Variants in SNW1 observed in about 807,000 individuals in gnomAD.
SNW1 encodes the protein SNW domain-containing protein 1.
Under a neutral mutation model 75.6 loss-of-function variants are expected in SNW1, and 9 were observed. That is an observed-to-expected ratio of 0.12 (90% CI 0.07 to 0.21). The LOEUF (loss-of-function observed/expected upper bound fraction) is 0.21, where lower values mean the gene tolerates loss of function less well. Among genes scored for constraint, SNW1 ranks in the 10% least tolerant of loss-of-function variants. The pLI is 1.00. For synonymous variants in SNW1, 200 were observed against 219.1 expected, an observed-to-expected ratio of 0.91 and a Z score of 0.77; for missense variants, 409 against 670.9, an observed-to-expected ratio of 0.61 and a Z score of 4.31.
In SNW1 at chr14:77,761,114, C is replaced by T; in HGVS notation, c.14G>A (p.Ser5Asn). 1 of 1,614,224 alleles carries T rather than the reference C, an allele frequency of 6.2e-7. No individual in the cohort carries two copies. Among genetic ancestry groups the T allele is most frequent in the African/African-American group, 1.3e-5 (1 of 75,070 alleles). MALT[S>N]FLPAPTQLSQ... is the part of the protein sequence containing the mutation. ...TCGAGGACCCCAATCAACAACCCAC[C>T]TGGTGAGCGCCATCTTCTTCCGCTT... The change falls in exon 1 of 14, where the codon AGC (serine) becomes AAC (asparagine). Residue 5 changes from serine to asparagine, a missense_variant and splice_region_variant. Coordinates refer to ENST00000261531, the MANE Select transcript of SNW1 (RefSeq NM_012245.3).
chr14:77,754,892 T>G lies in SNW1; in HGVS notation c.168+75A>C, dbSNP rs954750578. 18 of 1,320,566 alleles carry G rather than the reference T, an allele frequency of 1.4e-5. No homozygotes were observed. In the Admixed American group the frequency reaches 4.9e-4, roughly 36 times the overall value. 81.8% of individuals were successfully genotyped at this position (1,320,566 alleles called of 1,614,324 possible). A position where few individuals can be genotyped will look rare whatever the true frequency, so the allele number is the denominator to read the frequency against. On this transcript the variant is annotated intron_variant, in intron 2 of 13. Transcript: ENST00000261531. ...CATTCATAATCAGAGGTTCTAACATTTAAATTTATGTTATAGTGTGCTATA... is the reference window on the plus strand; with the variant it reads ...CATTCATAATCAGAGGTTCTAACATGTAAATTTATGTTATAGTGTGCTATA...
intron 12 of SNW1, among the ~76,000 whole-genome samples, chr14:77,719,756 T>G (rs937838923): frequency 6.6e-6 from 1 of 152,240 alleles, no homozygotes; most frequent in Non-Finnish European, 1.5e-5. Flanking sequence ...ACATAAGAGA[T>G]AATAGTATTA....
chr14:77,720,703 A>T lies in SNW1; in HGVS notation c.1248+8T>A. 1 of 1,566,836 alleles carries T rather than the reference A, an allele frequency of 6.4e-7. No individual in the cohort carries two copies. The highest frequency in any genetic ancestry group is 8.8e-7 in the Non-Finnish European group (1 of 1,137,250). On this transcript the variant is annotated splice_region_variant and intron_variant, in intron 12 of 13. Transcript: ENST00000261531. ...AACACACACAATATGCTGTTCCTAA[A>T]CTTGTACCTTGGATTGGTTGAAGAG...
At chr14:77,724,866 C>A (rs1321664242) in intron 10 of SNW1, among the ~76,000 whole-genome samples, 1 of 152,146 alleles carries the variant, frequency 6.6e-6, no homozygotes, top group African/African-American at 2.4e-5. Context: ...GATATATACC[C>A]AGCAGTGAAT....
intron 10 of SNW1, among the ~76,000 whole-genome samples, chr14:77,725,334 G>A (rs913831095): frequency 6.6e-6 from 1 of 152,124 alleles, no homozygotes; most frequent in African/African-American, 2.4e-5. Flanking sequence ...TCAGCTTGAC[G>A]CAATCCCATT....
chr14:77,748,658 G>A (rs1451716217), intron 3 of SNW1, among the ~76,000 whole-genome samples: 3 of 151,652 alleles, frequency 2.0e-5, no homozygotes, highest in Admixed American at 2.0e-4. Context: ...GCCGTCTTTA[G>A]CTCACTGCAA....
At chr14:77,741,097 A>C (rs933241853) in intron 3 of SNW1, among the ~76,000 whole-genome samples, 2 of 8,248 alleles carry the variant, frequency 2.4e-4, no homozygotes, top group African/African-American at 4.2e-4. Context: ...AACTGTCTCC[A>C]AAAAAAAAAA....
intron 10 of SNW1, among the ~76,000 whole-genome samples, chr14:77,727,756 T>C (rs2080597057): frequency 6.6e-6 from 1 of 152,216 alleles, no homozygotes; most frequent in African/African-American, 2.4e-5. Context: ...TTGATTATGA[T>C]GAATGATATT....
At chr14:77,757,224 CAA>C (rs201528915) in intron 1 of SNW1, among the ~76,000 whole-genome samples, 13 of 142,264 alleles carry the variant, frequency 9.1e-5, no homozygotes, top group Non-Finnish European at 9.2e-5. Context: ...AGACAGAGAC[CAA>C]AAAAAAAAAA....
In SNW1 at chr14:77,751,500, A is replaced by C; in HGVS notation, c.169-20T>G. ...AAAATCCTACACATTAGAAGTAGTT[A>C]AATAAAATAGTTAATCATCATTTGA... On this transcript the variant is annotated intron_variant, in intron 2 of 13. Coordinates refer to ENST00000261531, the MANE Select transcript of SNW1 (RefSeq NM_012245.3). The C allele has an allele frequency of 6.4e-7, 1 of 1,557,576 alleles. No individual in the cohort carries two copies. Among genetic ancestry groups the C allele is most frequent in the Non-Finnish European group, 8.7e-7 (1 of 1,150,560 alleles).
At chr14:77,752,175 A>T (rs1566836385) in intron 2 of SNW1, among the ~76,000 whole-genome samples, 1 of 152,260 alleles carries the variant, frequency 6.6e-6, no homozygotes, top group Non-Finnish European at 1.5e-5. Context: ...TACTTGGGGC[A>T]GAAATATAAA....
intron 8 of SNW1, 62 bp downstream of exon 8, chr14:77,734,885 T>C: frequency 5.5e-6 from 6 of 1,100,486 alleles, no homozygotes; most frequent in South Asian, 1.3e-5. Context: ...CAGGCTGTAG[T>C]TGTTTTACTG....
Position 77,723,161 on chromosome 14 carries a change from A to G in SNW1, c.1130+20T>C, listed in dbSNP as rs780377517. On this transcript the variant is annotated intron_variant, in intron 11 of 13. Coordinates refer to ENST00000261531, the MANE Select transcript of SNW1 (RefSeq NM_012245.3). ...TGCGCCCGGCCACCATGATTGGTACACATCTTAAATAACACCTACCTCTTA... is the reference window on the plus strand; with the variant it reads ...TGCGCCCGGCCACCATGATTGGTACGCATCTTAAATAACACCTACCTCTTA... 2.5e-5 allele frequency: 40 copies of G among 1,595,588 alleles called. No individual in the cohort carries two copies. The highest frequency in any genetic ancestry group is 8.6e-7 in the Non-Finnish European group (1 of 1,163,650).
intron 9 of SNW1, among the ~76,000 whole-genome samples, 175 bp downstream of exon 9, chr14:77,732,310 A>G (rs1238224065): frequency 6.6e-6 from 1 of 152,242 alleles, no homozygotes; most frequent in African/African-American, 2.4e-5. Context: ...ACACATCTAC[A>G]AAAGCTGGGA....
intron 3 of SNW1, among the ~76,000 whole-genome samples, chr14:77,740,721 T>C (rs2080711521): frequency 6.6e-6 from 1 of 152,166 alleles, no homozygotes; most frequent in African/African-American, 2.4e-5. Context: ...ATTTGCTCCA[T>C]AGCACTGTTT....
chr14:77,753,832 A>T (rs2080825086), intron 2 of SNW1, among the ~76,000 whole-genome samples: 2 of 151,720 alleles, frequency 1.3e-5, no homozygotes. Flanking sequence ...ACGTGCCTGT[A>T]ATCCTGGCTA....
intron 9 of SNW1, among the ~76,000 whole-genome samples, chr14:77,732,078 G>A (rs1342438038): frequency 1.3e-5 from 2 of 152,146 alleles, no homozygotes; most frequent in East Asian, 3.8e-4. Context: ...TTAATAGATG[G>A]CCAATGCTAT....
At chr14:77,750,193 C>G (rs555172969) in intron 3 of SNW1, among the ~76,000 whole-genome samples, 1 of 151,962 alleles carries the variant, frequency 6.6e-6, no homozygotes, top group Non-Finnish European at 1.5e-5. Flanking sequence ...AGAACAAGAC[C>G]CTGTCTCAAA....
At chr14:77,725,639 C>G (rs1172793749) in intron 10 of SNW1, among the ~76,000 whole-genome samples, 2 of 152,180 alleles carry the variant, frequency 1.3e-5, no homozygotes, top group African/African-American at 4.8e-5. Context: ...CACGCATTGG[C>G]TGGGCATGGT....
Sources: gnomAD v4.1 joint callset for allele counts (sites outside exome capture counted in the v4.1 genomes callset) on GRCh38, gnomAD v4.1.1 for gene constraint, MANE v1.5 for transcripts, NCBI Gene and HGNC (gene_info 2026-07-23, HGNC 2026-07-21) for gene names.